Variants in DPYD observed in about 807,000 individuals in gnomAD.
DPYD encodes the protein dihydropyrimidine dehydrogenase.
A neutral mutation model predicts 116.2 loss-of-function variants in DPYD; 109 were observed. That is an observed-to-expected ratio of 0.94 (90% CI 0.80 to 1.10). The LOEUF (loss-of-function observed/expected upper bound fraction) is 1.10, where lower values mean the gene tolerates loss of function less well. Ranked by LOEUF, DPYD falls within the 50% of genes least tolerant of loss-of-function variation. The pLI is 0.00. For synonymous variants in DPYD, 440 were observed against 432.0 expected (o/e 1.02, Z -0.23); for missense variants, 1,302 against 1,254.5 (o/e 1.04, Z -0.57).
intron 18 of DPYD, among the ~76,000 whole-genome samples, chr1:97,268,245 G>T (rs537781149): frequency 1.3e-5 from 2 of 152,212 alleles, no homozygotes; most frequent in Admixed American, 1.3e-4. Flanking sequence ...ACACTCAGCA[G>T]CTCTCACAAT....
rs11165866 is a variant in DPYD at position 97,412,416 on chromosome 1, C to T, written c.1906-29955G>A. On this transcript the variant is annotated intron_variant, in intron 14 of 22. Coordinates refer to ENST00000370192, the MANE Select transcript of DPYD (RefSeq NM_000110.4). ...GTTTGTTTTGCAATCTTTTTTCTCC[C>T]TTCTCCCACACATAATCACATGATC... 7.6e-3 allele frequency among the ~76,000 whole-genome samples: 1,159 copies of T among 152,266 alleles called. 17 individuals carry two copies. The highest frequency in any genetic ancestry group is 0.027 in the African/African-American group (1,106 of 41,562).
chr1:97,213,244 T>C (rs1399409509), intron 19 of DPYD, among the ~76,000 whole-genome samples: 30 of 152,164 alleles, frequency 2.0e-4, no homozygotes, highest in Admixed American at 1.8e-3. Context: ...ATTCAATCTA[T>C]AACAATAACT....
intron 20 of DPYD, among the ~76,000 whole-genome samples, chr1:97,167,036 A>G (rs1201052368): frequency 6.6e-6 from 1 of 152,142 alleles, no homozygotes; most frequent in African/African-American, 2.4e-5. Context: ...AATTTTTTTT[A>G]TAGCCAAAGT....
At chr1:97,456,986 T>C (rs1017413024) in intron 13 of DPYD, among the ~76,000 whole-genome samples, 7 of 152,078 alleles carry the variant, frequency 4.6e-5, no homozygotes, top group African/African-American at 1.2e-4. Flanking sequence ...CATTATCATG[T>C]GTTAGTGTGT....
chr1:97,536,686 T>C (rs969318005), intron 12 of DPYD, among the ~76,000 whole-genome samples: 1 of 152,184 alleles, frequency 6.6e-6, no homozygotes, highest in Non-Finnish European at 1.5e-5. Flanking sequence ...ACTATACTGA[T>C]GCTGGTAAAC....
intron 7 of DPYD, 78 bp downstream of exon 7, chr1:97,691,639 C>A: frequency 2.5e-6 from 3 of 1,216,840 alleles, no homozygotes; most frequent in Non-Finnish European, 2.4e-6. Context: ...AAATGCATGA[C>A]ATTTGCTGTT....
intron 8 of DPYD, among the ~76,000 whole-genome samples, chr1:97,666,394 G>A (rs115816339): frequency 0.023 from 3,461 of 152,080 alleles, 104 homozygotes; most frequent in Admixed American, 0.091. Flanking sequence ...CTTGGCCTCA[G>A]GCGATCCTCC....
At chr1:97,831,116 T>C (rs1040555209) in intron 2 of DPYD, among the ~76,000 whole-genome samples, 1 of 152,208 alleles carries the variant, frequency 6.6e-6, no homozygotes, top group African/African-American at 2.4e-5. Context: ...AATACTTCTG[T>C]ATACAGAAAT....
chr1:97,613,783 A>G (rs918040006), intron 8 of DPYD, among the ~76,000 whole-genome samples: 3 of 152,084 alleles, frequency 2.0e-5, no homozygotes, highest in African/African-American at 7.2e-5. Flanking sequence ...AACATCAATA[A>G]TTAGTAAAGG....
chr1:97,389,677 T>A (rs774379824), intron 14 of DPYD, among the ~76,000 whole-genome samples: 1 of 152,076 alleles, frequency 6.6e-6, no homozygotes, highest in Non-Finnish European at 1.5e-5. Flanking sequence ...TTGACTTTCA[T>A]TTTGACTAAT....
At chr1:97,847,048 C>T (rs1172424911) in intron 2 of DPYD, among the ~76,000 whole-genome samples, 2 of 152,158 alleles carry the variant, frequency 1.3e-5, no homozygotes, top group African/African-American at 4.8e-5. Flanking sequence ...GAACTTTTAC[C>T]TAAGAATCAG....
At chr1:97,467,849 T>G (rs891353634) in intron 13 of DPYD, among the ~76,000 whole-genome samples, 1 of 152,164 alleles carries the variant, frequency 6.6e-6, no homozygotes, top group East Asian at 1.9e-4. Flanking sequence ...TTTAGGGATA[T>G]CTGAACCCAC....
chr1:97,718,151 T>G (rs1662717961), intron 5 of DPYD, among the ~76,000 whole-genome samples: 1 of 151,972 alleles, frequency 6.6e-6, no homozygotes, highest in African/African-American at 2.4e-5. Context: ...ATTTTTAAAT[T>G]ATGATCGTTC....
At chr1:97,718,189 T>C (rs1484554738) in intron 5 of DPYD, among the ~76,000 whole-genome samples, 2 of 152,070 alleles carry the variant, frequency 1.3e-5, no homozygotes, top group African/African-American at 4.8e-5. Context: ...TAGTGCATTC[T>C]GGTTTTAATT....
chr1:97,598,968 T>C (rs1655069162), intron 8 of DPYD, among the ~76,000 whole-genome samples: 3 of 152,182 alleles, frequency 2.0e-5, no homozygotes, highest in Non-Finnish European at 1.5e-5. Context: ...CTAGGCCAGG[T>C]TATAATGTGA....
chr1:97,854,433 CA>C (rs1670718442), intron 2 of DPYD, among the ~76,000 whole-genome samples: 1 of 152,120 alleles, frequency 6.6e-6, no homozygotes, highest in African/African-American at 2.4e-5. Flanking sequence ...GGTTATAGTT[CA>C]AAGAGCCATC....
intron 16 of DPYD, among the ~76,000 whole-genome samples, chr1:97,358,288 T>C (rs907349936): frequency 6.6e-6 from 1 of 152,086 alleles, no homozygotes; most frequent in Non-Finnish European, 1.5e-5. Context: ...TAGGTAAACA[T>C]AGCAGCTGGG....
intron 19 of DPYD, among the ~76,000 whole-genome samples, chr1:97,214,536 T>C (rs1338566253): frequency 1.3e-5 from 2 of 152,152 alleles, no homozygotes; most frequent in African/African-American, 4.8e-5. Flanking sequence ...AGTAATATAG[T>C]GGATTAAGTG....
chr1:97,457,806 G>T (rs1016572517), intron 13 of DPYD, among the ~76,000 whole-genome samples: 20 of 152,252 alleles, frequency 1.3e-4, no homozygotes, highest in African/African-American at 4.8e-4. Flanking sequence ...AACTTTTTCT[G>T]CAGGCTTTGA....
Sources: allele counts gnomAD v4.1 joint callset (sites outside exome capture counted in the v4.1 genomes callset), GRCh38; gene constraint gnomAD v4.1.1; transcripts MANE v1.5; gene names NCBI Gene and HGNC (gene_info 2026-07-23, HGNC 2026-07-21).